The following AHDC1 variants were observed in gnomAD, a reference collection of about 807,000 sequenced individuals.
AHDC1 encodes the protein AT-hook DNA binding motif containing 1.
A neutral mutation model predicts 87.9 loss-of-function variants in AHDC1; 7 were observed. The ratio of observed to expected loss-of-function variants is 0.08; its 90% CI spans 0.05 to 0.15. The LOEUF is 0.15. Ranked by LOEUF, AHDC1 falls within the 10% of genes least tolerant of loss-of-function variation. The pLI, the probability that AHDC1 is intolerant of heterozygous loss-of-function variation, is 1.00. For missense variants in AHDC1, 1,841 were observed against 2,253.2 expected (o/e 0.82, Z 3.70); for synonymous variants, 1,051 against 1,006.8 (o/e 1.04, Z -0.83).
At chr1:27,587,599 T>C (rs775360932) in intron 3 of AHDC1, among the ~76,000 whole-genome samples, 1 of 152,210 alleles carries the variant, frequency 6.6e-6, no homozygotes, top group Non-Finnish European at 1.5e-5. Context: ...ACTCACTCTC[T>C]GCTGTCTGTG....
rs1042776633 is a variant in AHDC1 at position 27,600,176 on chromosome 1, C to G, written c.-629+3221G>C. Among the ~76,000 whole-genome samples the G allele has an allele frequency of 1.3e-4, 20 of 151,792 alleles. 1 individual carries two copies. The highest frequency in any genetic ancestry group is 1.2e-3 in the Admixed American group (18 of 15,260). On this transcript the variant is annotated intron_variant, in intron 3 of 8. Transcript: ENST00000673934. ...ACCATGCATGTGGTTGTGGGTCGCT[C>G]CCCCGCCCCCCTCCCTGGGGGGGGC...
intron 8 of AHDC1, among the ~76,000 whole-genome samples, chr1:27,536,660 G>C (rs773586186): frequency 6.6e-6 from 1 of 152,138 alleles, no homozygotes; most frequent in Non-Finnish European, 1.5e-5. Context: ...TCTATCCAGA[G>C]GACTGCTCTA....
intron 3 of AHDC1, among the ~76,000 whole-genome samples, chr1:27,583,321 C>A (rs1465887367): frequency 3.9e-5 from 6 of 152,208 alleles, no homozygotes; most frequent in African/African-American, 1.4e-4. Flanking sequence ...CACCTCAGGG[C>A]CTTTGCTGGT....
intron 8 of AHDC1, among the ~76,000 whole-genome samples, chr1:27,545,142 A>G (rs1015749738): frequency 6.6e-6 from 1 of 150,982 alleles, no homozygotes; most frequent in Non-Finnish European, 1.5e-5. Flanking sequence ...TGCGCTCACA[A>G]GCTTCTAGCT....
At chr1:27,582,492 T>C (rs745679284) in intron 3 of AHDC1, among the ~76,000 whole-genome samples, 3 of 152,260 alleles carry the variant, frequency 2.0e-5, no homozygotes, top group Non-Finnish European at 2.9e-5. Flanking sequence ...CCAATGCCCC[T>C]TCTCTGATTC....
chr1:27,545,158 C>T (rs2019107885), intron 8 of AHDC1, among the ~76,000 whole-genome samples: 1 of 151,482 alleles, frequency 6.6e-6, no homozygotes, highest in Non-Finnish European at 1.5e-5. Flanking sequence ...TAGCTTTTTT[C>T]TCTTGTACAG....
chr1:27,578,082 A>C (rs2088808010), intron 3 of AHDC1, among the ~76,000 whole-genome samples: 1 of 152,218 alleles, frequency 6.6e-6, no homozygotes, highest in Admixed American at 6.5e-5. Flanking sequence ...CTGGTCCCAA[A>C]GAAAAGCCTG....
rs1307494052 is a variant in AHDC1, at chr1:27,550,113, C to T, written c.2003G>A (p.Arg668His). 2 of 1,610,350 alleles carry T rather than the reference C, an allele frequency of 1.2e-6. No individual in the cohort carries two copies. Among genetic ancestry groups the T allele is most frequent in the Non-Finnish European group, 1.7e-6 (2 of 1,179,808 alleles). ...FLHRVQGFRR[R>H]GGKAGGFGGR... is the part of the protein sequence containing the mutation. ...ACCAAAACCGCCTGCTTTGCCCCCA[C>T]GCCGCCGGAAGCCCTGCACACGATG... Residue 668 changes from arginine to histidine, a missense_variant, in exon 8 of 9, where the codon CGT becomes CAT. Coordinates refer to ENST00000673934, the MANE Select transcript of AHDC1 (RefSeq NM_001371928.1).
chr1:27,545,950 G>T (rs2019146182), intron 8 of AHDC1, among the ~76,000 whole-genome samples: 1 of 152,206 alleles, frequency 6.6e-6, no homozygotes, highest in South Asian at 2.1e-4. Context: ...GCTGCCCTTT[G>T]TCACCTTCAG....
At chr1:27,544,622 GA>G (rs2019083381) in intron 8 of AHDC1, among the ~76,000 whole-genome samples, 1 of 152,170 alleles carries the variant, frequency 6.6e-6, no homozygotes. Flanking sequence ...CTCCCTCTAT[GA>G]ACTTTTTCCT....
rs2019607445 is a variant in AHDC1, at chr1:27,552,134, A to T, written c.-19T>A. On this transcript the variant is annotated 5_prime_UTR_variant, in exon 8 of 9. Transcript: ENST00000673934. ...CACGCATCCTGACCTTGTCCTCCGC[A>T]GGCCGCCGGGCGGGGCCGGGGCTGA... 7.0e-7 allele frequency: 1 copy of T among 1,435,746 alleles called. No individual in the cohort carries two copies. The highest frequency in any genetic ancestry group is 9.1e-7 in the Non-Finnish European group (1 of 1,094,744). The allele number at this position is 1,435,746 out of a possible 1,614,324, so 88.9% of individuals were successfully genotyped here.
At chr1:27,546,093 C>T (rs1402042786) in intron 8 of AHDC1, among the ~76,000 whole-genome samples, 1 of 152,206 alleles carries the variant, frequency 6.6e-6, no homozygotes, top group African/African-American at 2.4e-5. Context: ...CCCAGCTACT[C>T]CTCCAGGAAG....
intron 3 of AHDC1, among the ~76,000 whole-genome samples, chr1:27,587,651 A>G (rs978733333): frequency 2.0e-5 from 3 of 152,174 alleles, no homozygotes; most frequent in Non-Finnish European, 2.9e-5. Context: ...CTAAGAAAAG[A>G]GTCTGGGCCC....
chr1:27,540,255 GGTTT>G (rs1437565784), intron 8 of AHDC1, among the ~76,000 whole-genome samples: 1 of 152,048 alleles, frequency 6.6e-6, no homozygotes, highest in Non-Finnish European at 1.5e-5. Flanking sequence ...AATTTGAACT[GGTTT>G]ATTTACACAC....
intron 5 of AHDC1, among the ~76,000 whole-genome samples, chr1:27,553,894 C>T (rs1441207211): frequency 3.9e-5 from 6 of 152,024 alleles, no homozygotes; most frequent in African/African-American, 9.7e-5. Context: ...AGCGTGACCT[C>T]GTCCCTACAA....
chr1:27,551,786 G>A lies in AHDC1; in HGVS notation c.330C>T (p.Cys110=). 1 of 1,613,284 alleles carries A rather than the reference G, an allele frequency of 6.2e-7. No individual in the cohort carries two copies. The highest frequency in any genetic ancestry group is 8.5e-7 in the Non-Finnish European group (1 of 1,179,906). The change falls in exon 8 of 9, where the codon TGC becomes TGT. Residue 110 remains cysteine, a synonymous_variant. Coordinates refer to ENST00000673934, the MANE Select transcript of AHDC1 (RefSeq NM_001371928.1). ...PVGDGSSSRR[C]WDNGRVNLRP... ...GCAGGTTCACCCGCCCGTTGTCCCA[G>A]CAGCGTCGGGAGCTGCTGCCGTCTC... is the stretch of plus-strand genomic sequence containing the variant.
intron 5 of AHDC1, among the ~76,000 whole-genome samples, chr1:27,554,113 C>T (rs1356163940): frequency 6.6e-6 from 1 of 152,172 alleles, no homozygotes; most frequent in Non-Finnish European, 1.5e-5. Context: ...TGAACGCACA[C>T]AAATGAGGTA....
At position 27,551,459 on chromosome 1, in the gene AHDC1, C is replaced by T. The variant is rs148311907; in HGVS notation, c.657G>A (p.Thr219=). Residue 219 remains threonine (T), a synonymous_variant, in exon 8 of 9, where the codon ACG becomes ACA. Transcript: ENST00000673934. ...CTGGGGGCAGACCCGTGGCCGCAGC[C>T]GTGGCTCCGGGACTATGGCCTTGGC... The part of the protein sequence containing the change: ...QPGQGHSPGA[T]AAATGLPPEP... 3.8e-4 allele frequency: 606 copies of T among 1,611,424 alleles called. 4 individuals carry two copies. The East Asian group carries it at 4.0e-3, about 11-fold the overall frequency.
At chr1:27,571,754 G>A (rs945465955) in intron 3 of AHDC1, among the ~76,000 whole-genome samples, 1 of 152,102 alleles carries the variant, frequency 6.6e-6, no homozygotes, top group Non-Finnish European at 1.5e-5. Context: ...GGCATGGTGT[G>A]TGCCAGGCGC....
Sources: allele counts gnomAD v4.1 joint callset (sites outside exome capture counted in the v4.1 genomes callset), GRCh38; gene constraint gnomAD v4.1.1; transcripts MANE v1.5; gene names NCBI Gene and HGNC (gene_info 2026-07-23, HGNC 2026-07-21).